TFEC: variants seen among roughly 807,000 people sequenced by gnomAD.
TFEC encodes the protein transcription factor EC, also known as class E basic helix-loop-helix protein 34.
TFEC carries 31 observed loss-of-function variants against 41.6 expected under a neutral mutation model. The observed-to-expected ratio is 0.74, with a 90% CI of 0.56 to 1.01. TFEC has a LOEUF of 1.01. Ranked by LOEUF, TFEC falls within the 50% of genes least tolerant of loss-of-function variation. TFEC has a pLI of 0.00. For synonymous variants in TFEC, 143 were observed against 140.6 expected (o/e 1.02, Z -0.12); for missense variants, 402 against 404.1 (o/e 0.99, Z 0.04).
rs117795146 is a variant in TFEC, at chr7:116,044,226, C to A, written c.199-59713G>T. 2.8e-4 allele frequency among the ~76,000 whole-genome samples: 43 copies of A among 152,240 alleles called. No homozygotes were observed. In the East Asian group the frequency reaches 6.2e-3, roughly 22 times the overall value. ...GATCCATTAAACGAATTTTAAAATT[C>A]TCCTATGCATATCCTTCGTCATGGC... is the stretch of plus-strand genomic sequence containing the variant. On this transcript the variant is annotated intron_variant, in intron 3 of 8. Coordinates refer to the TFEC transcript ENST00000484212.
At chr7:116,153,661 AG>A (rs1300941489) in intron 1 of TFEC, among the ~76,000 whole-genome samples, 2 of 152,108 alleles carry the variant, frequency 1.3e-5, no homozygotes, top group Non-Finnish European at 2.9e-5. Context: ...TTGGACAAAG[AG>A]GAAAAAAAAA....
intron 1 of TFEC, among the ~76,000 whole-genome samples, chr7:116,147,114 G>C (rs988715777): frequency 6.6e-5 from 10 of 152,088 alleles, no homozygotes; most frequent in African/African-American, 2.2e-4. Flanking sequence ...TAAAAATAGA[G>C]ATTCCAACAT....
chr7:115,964,452 C>G (rs1357201176), intron 3 of TFEC, among the ~76,000 whole-genome samples: 1 of 151,460 alleles, frequency 6.6e-6, no homozygotes, highest in African/African-American at 2.4e-5. Flanking sequence ...GCCCATTTCA[C>G]TCATTATTAT....
intron 2 of TFEC, among the ~76,000 whole-genome samples, chr7:115,980,015 C>G (rs981932924): frequency 1.3e-5 from 2 of 152,274 alleles, no homozygotes; most frequent in East Asian, 3.9e-4. Context: ...TACTTTTGTA[C>G]TCAAAAACTT....
chr7:116,024,944 A>T (rs1469581140), intron 1 of TFEC, among the ~76,000 whole-genome samples: 2 of 151,070 alleles, frequency 1.3e-5, no homozygotes, highest in African/African-American at 2.4e-5. Context: ...TGTTTGTTTC[A>T]TCTTTAGACA....
intron 3 of TFEC, among the ~76,000 whole-genome samples, chr7:116,103,084 T>G (rs1055668859): frequency 6.6e-6 from 1 of 152,090 alleles, no homozygotes; most frequent in African/African-American, 2.4e-5. Context: ...AAAGGTTGTG[T>G]AGAAAATAAG....
intron 3 of TFEC, among the ~76,000 whole-genome samples, chr7:116,102,603 A>G (rs9691405): frequency 0.51 from 77,140 of 151,992 alleles, 20,452 homozygotes; most frequent in East Asian, 0.7. Flanking sequence ...GCAATAACAA[A>G]GATGAAGGAG....
chr7:115,962,928 T>A (rs1008322590), intron 3 of TFEC, among the ~76,000 whole-genome samples: 9 of 151,902 alleles, frequency 5.9e-5, no homozygotes, highest in Non-Finnish European at 1.3e-4. Flanking sequence ...GGTATACATG[T>A]GCCATGTTGG....
At chr7:116,012,844 A>C (rs866381508) in intron 1 of TFEC, among the ~76,000 whole-genome samples, 4 of 129,618 alleles carry the variant, frequency 3.1e-5, no homozygotes, top group Middle Eastern at 4.5e-3. Context: ...AAAAAAAAAA[A>C]CCCAAACAAT....
At chr7:115,954,839 T>C (rs1003536340) in intron 4 of TFEC, among the ~76,000 whole-genome samples, 197 bp from the exon 5 acceptor site, 1 of 152,068 alleles carries the variant, frequency 6.6e-6, no homozygotes, top group Non-Finnish European at 1.5e-5. Flanking sequence ...TTTTAGGCTC[T>C]GGGATAATAA....
At chr7:116,137,630 T>C (rs942830543) in intron 1 of TFEC, among the ~76,000 whole-genome samples, 6 of 152,134 alleles carry the variant, frequency 3.9e-5, no homozygotes. Flanking sequence ...AACTGGTAGT[T>C]ACTCTCTATT....
At chr7:116,099,269 A>G (rs1367062334) in intron 3 of TFEC, among the ~76,000 whole-genome samples, 1 of 152,192 alleles carries the variant, frequency 6.6e-6, no homozygotes, top group African/African-American at 2.4e-5. Context: ...TCTCTTGCAG[A>G]TTTACAGGAT....
At chr7:116,055,441 T>G (rs1406967726) in intron 3 of TFEC, among the ~76,000 whole-genome samples, 1 of 152,024 alleles carries the variant, frequency 6.6e-6, no homozygotes, top group Non-Finnish European at 1.5e-5. Context: ...CTAAATAATT[T>G]CAAATGAATT....
intron 1 of TFEC, among the ~76,000 whole-genome samples, chr7:116,026,851 T>C (rs144538723): frequency 2.6e-5 from 4 of 152,284 alleles, no homozygotes; most frequent in African/African-American, 9.6e-5. Context: ...AAAAATTGCC[T>C]TGCACATGTG....
intron 3 of TFEC, among the ~76,000 whole-genome samples, chr7:115,959,173 C>A (rs2130454987): frequency 1.3e-5 from 2 of 151,784 alleles, no homozygotes; most frequent in East Asian, 3.9e-4. Context: ...TGACAATAGG[C>A]AAACATTATT....
intron 6 of TFEC, among the ~76,000 whole-genome samples, chr7:115,945,950 C>A (rs940496883): frequency 4.0e-5 from 6 of 151,574 alleles, no homozygotes; most frequent in African/African-American, 1.5e-4. Context: ...GTATGGCCTG[C>A]AAAGCTTGAA....
At chr7:116,007,565 C>A (rs189623252) in intron 1 of TFEC, among the ~76,000 whole-genome samples, 2 of 152,132 alleles carry the variant, frequency 1.3e-5, no homozygotes, top group Admixed American at 6.6e-5. Context: ...CTCCTAAATA[C>A]GTGACTTATT....
At chr7:115,950,851 A>G in intron 6 of TFEC, 23 bp downstream of exon 6, 1 of 1,566,866 alleles carries the variant, frequency 6.4e-7, no homozygotes, top group Non-Finnish European at 8.7e-7. Context: ...TAACATTATT[A>G]TAGAAATGAT....
intron 4 of TFEC, 25 bp downstream of exon 4, chr7:115,956,654 G>A: frequency 3.3e-6 from 5 of 1,529,956 alleles, no homozygotes; most frequent in Non-Finnish European, 4.5e-6. Flanking sequence ...AAATAAAAAG[G>A]GTAAAACTAT....
Sources: allele counts gnomAD v4.1 joint callset (sites outside exome capture counted in the v4.1 genomes callset), GRCh38; gene constraint gnomAD v4.1.1; transcripts MANE v1.5; gene names NCBI Gene and HGNC (gene_info 2026-07-23, HGNC 2026-07-21).